The following G0S2 variants were observed in gnomAD, a reference collection of about 807,000 sequenced individuals.
G0S2 encodes G0/G1 switch 2, also known as G0/G1 switch protein 2.
For missense variants in G0S2, 139 were observed against 139.1 expected (o/e 1.00, Z 0.00); for synonymous variants, 64 against 66.0 (o/e 0.97, Z 0.15).
In G0S2 at chr1:209,676,293, A is replaced by G; in HGVS notation, c.*297A>G. ...TATCTAAATGCGTCTACCATTTTGCACTAGGGAGGAAGGATAAATGCTTTT... is the reference window on the plus strand; with the variant it reads ...TATCTAAATGCGTCTACCATTTTGCGCTAGGGAGGAAGGATAAATGCTTTT... On this transcript the variant is annotated 3_prime_UTR_variant, in exon 2 of 2. Coordinates refer to ENST00000367029, the MANE Select transcript of G0S2 (RefSeq NM_015714.4). The G allele has an allele frequency of 2.6e-6, 1 of 379,856 alleles. No homozygotes were observed. Among genetic ancestry groups the G allele is most frequent in the East Asian group, 4.1e-5 (1 of 24,194 alleles). 23.5% of individuals were successfully genotyped at this position (379,856 alleles called of 1,614,324 possible). A position where few individuals can be genotyped will look rare whatever the true frequency, so the allele number is the denominator to read the frequency against.
At position 209,675,934 on chromosome 1, in the gene G0S2, G is replaced by C; in HGVS notation, c.250G>C (p.Gly84Arg). 4.4e-6 allele frequency: 7 copies of C among 1,591,224 alleles called. No homozygotes were observed. Among genetic ancestry groups the C allele is most frequent in the Non-Finnish European group, 6.0e-6 (7 of 1,164,444 alleles). Residue 84 changes from glycine to arginine, a missense_variant, in exon 2 of 2, where the codon GGC becomes CGC. Physicochemically the swap from Gly to Arg is moderately radical, Grantham distance 125. Transcript: ENST00000367029. This position sits in a 1 kb window ranked among gnomAD's most constrained non-coding sequence, Gnocchi z 5.4. ...CCAGAAGCAAGCCCTGCAGGAGAAAGGCAAGCAGCAGGACACGGTCCTCGG... is the reference window on the plus strand; with the variant it reads ...CCAGAAGCAAGCCCTGCAGGAGAAACGCAAGCAGCAGGACACGGTCCTCGG... The part of the protein sequence containing the change: ...ALQKQALQEK[G>R]KQQDTVLGGR...
rs1282067285 is a variant in G0S2, at chr1:209,675,776, G to A, written c.92G>A (p.Ser31Asn). ...GKMVKLYVLG[S>N]VLALFGVVLG... ...ATGGTGAAGCTGTACGTGCTGGGCA[G>A]CGTGCTGGCCCTCTTCGGCGTGGTG... is the stretch of plus-strand genomic sequence containing the variant. Residue 31 changes from serine to asparagine, a missense_variant, in exon 2 of 2, where the codon AGC (serine) becomes AAC (asparagine). Coordinates refer to ENST00000367029, the MANE Select transcript of G0S2 (RefSeq NM_015714.4). The surrounding 1 kb of genome is among the most constrained non-coding windows in gnomAD (Gnocchi z 5.4). The A allele has an allele frequency of 6.2e-7, 1 of 1,603,768 alleles. No homozygotes were observed. Among genetic ancestry groups the A allele is most frequent in the East Asian group, 2.2e-5 (1 of 44,552 alleles).
At position 209,675,554 on chromosome 1, in the gene G0S2, T is replaced by G. The variant is rs914035849; in HGVS notation, c.-33+5T>G. 3 of 660,992 alleles carry G rather than the reference T, an allele frequency of 4.5e-6. No individual in the cohort carries two copies. The highest frequency in any genetic ancestry group is 7.9e-6 in the Non-Finnish European group (3 of 379,196). The allele number at this position is 660,992 out of a possible 1,614,324, so 40.9% of individuals were successfully genotyped here. On this transcript the variant is annotated splice_donor_5th_base_variant and intron_variant, in intron 1 of 1. Coordinates refer to ENST00000367029, the MANE Select transcript of G0S2 (RefSeq NM_015714.4). This position sits in a 1 kb window ranked among gnomAD's most constrained non-coding sequence, Gnocchi z 5.4. The stretch of plus-strand genomic sequence containing the variant: ...TGCTCGCGCCGTGCCACTAAGGTAG[T>G]CCGCCTTTCTATGAGCCCTCCCCAA...
chr1:209,675,999 A>T lies in G0S2; in HGVS notation c.*3A>T, dbSNP rs780785373. The T allele has an allele frequency of 9.8e-6, 15 of 1,524,590 alleles. No homozygotes were observed. The East Asian group carries it at 3.4e-4, about 35-fold the overall frequency. The allele number at this position is 1,524,590 out of a possible 1,614,324, so 94.4% of individuals were successfully genotyped here. The stretch of plus-strand genomic sequence containing the variant: ...CCAACCGGCAGCACGCCTCCTAGGA[A>T]CTGTGGGAGACCAGCGGAGTGGGAG... On this transcript the variant is annotated 3_prime_UTR_variant, in exon 2 of 2. Transcript: ENST00000367029. This position sits in a 1 kb window ranked among gnomAD's most constrained non-coding sequence, Gnocchi z 5.4.
In G0S2 at chr1:209,675,806, G is replaced by T. The variant is rs779568938; in HGVS notation, c.122G>T (p.Gly41Val). The part of the protein sequence containing the change: ...SVLALFGVVL[G>V]LMETVCSPFT... ...CTGGCCCTCTTCGGCGTGGTGCTCG[G>T]CCTGATGGAGACTGTGTGCAGCCCC... Residue 41 changes from glycine (G) to valine (V), a missense_variant, in exon 2 of 2, where the codon GGC becomes GTC. Coordinates refer to ENST00000367029, the MANE Select transcript of G0S2 (RefSeq NM_015714.4). This position sits in a 1 kb window ranked among gnomAD's most constrained non-coding sequence, Gnocchi z 5.4. The T allele has an allele frequency of 6.2e-7, 1 of 1,601,750 alleles. No homozygotes were observed. The highest frequency in any genetic ancestry group is 1.7e-5 in the Admixed American group (1 of 57,824).
chr1:209,676,190 T>A lies in G0S2; in HGVS notation c.*194T>A. 1 of 523,680 alleles carries A rather than the reference T, an allele frequency of 1.9e-6. No homozygotes were observed. The highest frequency in any genetic ancestry group is 3.5e-6 in the Non-Finnish European group (1 of 289,806). 32.4% of individuals were successfully genotyped at this position (523,680 alleles called of 1,614,324 possible). On this transcript the variant is annotated 3_prime_UTR_variant, in exon 2 of 2. Transcript: ENST00000367029. The stretch of plus-strand genomic sequence containing the variant: ...ATCTAGAACTGACCTACCACAAGCA[T>A]CCACCAAAGGAGTTTGGGATTGAGT...
Position 209,676,330 on chromosome 1 carries a change from TATTA to T in G0S2, c.*339_*342del. On this transcript the variant is annotated 3_prime_UTR_variant, in exon 2 of 2. Transcript: ENST00000367029. ...GGATAAATGCTTTTTATGTTATTAT[TATTA>T]ATTATTACAATGACCACCATTTTGC... is the stretch of plus-strand genomic sequence containing the variant. 3.6e-6 allele frequency: 1 copy of T among 280,758 alleles called. No individual in the cohort carries two copies. Among genetic ancestry groups the T allele is most frequent in the Non-Finnish European group, 7.0e-6 (1 of 142,790 alleles). The allele number at this position is 280,758 out of a possible 1,614,324, so 17.4% of individuals were successfully genotyped here. A position where few individuals can be genotyped will look rare whatever the true frequency, so the allele number is the denominator to read the frequency against.
rs148090379 is a variant in G0S2 at position 209,675,494 on chromosome 1, G to T, written c.-88G>T. The T allele has an allele frequency of 6.5e-4, 379 of 583,820 alleles. 1 individual carries two copies. The highest frequency in any genetic ancestry group is 6.5e-3 in the African/African-American group (338 of 52,310). 36.2% of individuals were successfully genotyped at this position (583,820 alleles called of 1,614,324 possible). The stretch of plus-strand genomic sequence containing the variant: ...TGAGGTCGGTCGGACCAACGGACGC[G>T]CTGACCGCTGCCAACTGCAGCTCGC... On this transcript the variant is annotated 5_prime_UTR_variant, in exon 1 of 2. Transcript: ENST00000367029. This position sits in a 1 kb window ranked among gnomAD's most constrained non-coding sequence, Gnocchi z 5.4.
rs890531673 is a variant in G0S2, at chr1:209,676,009, A to G, written c.*13A>G. On this transcript the variant is annotated 3_prime_UTR_variant, in exon 2 of 2. Transcript: ENST00000367029. The stretch of plus-strand genomic sequence containing the variant: ...GCACGCCTCCTAGGAACTGTGGGAG[A>G]CCAGCGGAGTGGGAGGGAGACGCAG... The G allele has an allele frequency of 5.9e-6, 9 of 1,514,824 alleles. No individual in the cohort carries two copies. The highest frequency in any genetic ancestry group is 1.4e-5 in the African/African-American group (1 of 71,856). The allele number at this position is 1,514,824 out of a possible 1,614,324, so 93.8% of individuals were successfully genotyped here.
In G0S2 at chr1:209,676,238, T is replaced by A. The variant is rs919734819; in HGVS notation, c.*242T>A. 3 of 457,520 alleles carry A rather than the reference T, an allele frequency of 6.6e-6. No individual in the cohort carries two copies. The highest frequency in any genetic ancestry group is 2.0e-5 in the African/African-American group (1 of 49,716). The allele number at this position is 457,520 out of a possible 1,614,324, so 28.3% of individuals were successfully genotyped here. ...AGTTTTGCTGCTGTGCAGCACTGCA[T>A]TGTCATGACATTTCCAACACTGTGT... On this transcript the variant is annotated 3_prime_UTR_variant, in exon 2 of 2. Coordinates refer to ENST00000367029, the MANE Select transcript of G0S2 (RefSeq NM_015714.4).
At position 209,675,704 on chromosome 1, in the gene G0S2, TGATCCCCCTGGC is replaced by T; in HGVS notation, c.21_32del (p.Ile8_Ala11del). ...GCCGAGATGGAAACGGTCCAGGAGC[TGATCCCCCTGGC>T]CAAGGAGATGATGGCCCAGAAGCGC... is the stretch of plus-strand genomic sequence containing the variant. On this transcript the variant is annotated inframe_deletion, in exon 2 of 2. Transcript: ENST00000367029. This position sits in a 1 kb window ranked among gnomAD's most constrained non-coding sequence, Gnocchi z 5.4. 6.3e-7 allele frequency: 1 copy of T among 1,596,148 alleles called. No homozygotes were observed. The highest frequency in any genetic ancestry group is 8.5e-7 in the Non-Finnish European group (1 of 1,170,348).
At position 209,675,928 on chromosome 1, in the gene G0S2, G is replaced by A. The variant is rs1228933496; in HGVS notation, c.244G>A (p.Glu82Lys). 1 of 1,594,994 alleles carries A rather than the reference G, an allele frequency of 6.3e-7. No homozygotes were observed. The highest frequency in any genetic ancestry group is 1.3e-5 in the African/African-American group (1 of 74,496). ...RQALQKQALQ[E>K]KGKQQDTVLG... Reference sequence around the variant, plus strand: ...GGCTCTCCAGAAGCAAGCCCTGCAGGAGAAAGGCAAGCAGCAGGACACGGT... The same window carrying A: ...GGCTCTCCAGAAGCAAGCCCTGCAGAAGAAAGGCAAGCAGCAGGACACGGT... Residue 82 changes from glutamate to lysine, a missense_variant, in exon 2 of 2, where the codon GAG becomes AAG. Transcript: ENST00000367029. This position sits in a 1 kb window ranked among gnomAD's most constrained non-coding sequence, Gnocchi z 5.4.
Position 209,675,446 on chromosome 1 carries a change from A to G in G0S2, c.-136A>G. The G allele has an allele frequency of 5.4e-6, 3 of 558,240 alleles. No individual in the cohort carries two copies. In the South Asian group the frequency reaches 6.3e-5, roughly 12 times the overall value. The allele number at this position is 558,240 out of a possible 1,614,324, so 34.6% of individuals were successfully genotyped here. ...CGGAGTCTCCAACTGGGAGAGCTGC[A>G]GCTGCCGAGAGGAGGAGAACGCTGA... On this transcript the variant is annotated 5_prime_UTR_variant, in exon 1 of 2. Transcript: ENST00000367029. This position sits in a 1 kb window ranked among gnomAD's most constrained non-coding sequence, Gnocchi z 5.4.
In G0S2 at chr1:209,675,567, G is replaced by A. The variant is rs2102340456; in HGVS notation, c.-33+18G>A. Reference sequence around the variant, plus strand: ...CCACTAAGGTAGTCCGCCTTTCTATGAGCCCTCCCCAAGATTAGCTGGGTG... The same window carrying A: ...CCACTAAGGTAGTCCGCCTTTCTATAAGCCCTCCCCAAGATTAGCTGGGTG... On this transcript the variant is annotated intron_variant, in intron 1 of 1. Transcript: ENST00000367029. This position sits in a 1 kb window ranked among gnomAD's most constrained non-coding sequence, Gnocchi z 5.4. 1 of 698,798 alleles carries A rather than the reference G, an allele frequency of 1.4e-6. No individual in the cohort carries two copies. The highest frequency in any genetic ancestry group is 2.8e-5 in the East Asian group (1 of 36,080). The allele number at this position is 698,798 out of a possible 1,614,324, so 43.3% of individuals were successfully genotyped here. A position where few individuals can be genotyped will look rare whatever the true frequency, so the allele number is the denominator to read the frequency against.
Position 209,675,830 on chromosome 1 carries a change from C to A in G0S2, c.146C>A (p.Pro49His). 1 of 1,600,130 alleles carries A rather than the reference C, an allele frequency of 6.2e-7. No individual in the cohort carries two copies. Among genetic ancestry groups the A allele is most frequent in the African/African-American group, 1.3e-5 (1 of 74,928 alleles). Residue 49 changes from proline (P) to histidine (H), a missense_variant, in exon 2 of 2, where the codon CCC becomes CAC. Transcript: ENST00000367029. This position sits in a 1 kb window ranked among gnomAD's most constrained non-coding sequence, Gnocchi z 5.4. ...VLGLMETVCS[P>H]FTAARRLRDQ... Reference sequence around the variant, plus strand: ...GGCCTGATGGAGACTGTGTGCAGCCCCTTCACGGCCGCCAGACGTCTGCGG... The same window carrying A: ...GGCCTGATGGAGACTGTGTGCAGCCACTTCACGGCCGCCAGACGTCTGCGG...
rs1444466391 is a variant in G0S2 at position 209,675,980 on chromosome 1, G to T, written c.296G>T (p.Arg99Leu). The change falls in exon 2 of 2, where the codon CGG (arginine) becomes CTG (leucine). Residue 99 changes from arginine (R) to leucine (L), a missense_variant. Transcript: ENST00000367029. The surrounding 1 kb of genome is among the most constrained non-coding windows in gnomAD (Gnocchi z 5.4). ...TVLGGRALSN[R>L]QHAS ...CTCGGCGGCCGGGCCCTGTCCAACCGGCAGCACGCCTCCTAGGAACTGTGG... is the reference window on the plus strand; with the variant it reads ...CTCGGCGGCCGGGCCCTGTCCAACCTGCAGCACGCCTCCTAGGAACTGTGG... The T allele has an allele frequency of 6.5e-7, 1 of 1,542,014 alleles. No homozygotes were observed. Among genetic ancestry groups the T allele is most frequent in the Non-Finnish European group, 8.8e-7 (1 of 1,140,766 alleles).
At position 209,676,088 on chromosome 1, in the gene G0S2, G is replaced by C. The variant is rs1246232014; in HGVS notation, c.*92G>C. The stretch of plus-strand genomic sequence containing the variant: ...GAGAGACAGAGGGGGCGCGCGCACA[G>C]GAGCCTGACTCCGCTGGGAGAGTGC... On this transcript the variant is annotated 3_prime_UTR_variant, in exon 2 of 2. Transcript: ENST00000367029. The C allele has an allele frequency of 1.0e-6, 1 of 975,950 alleles. No homozygotes were observed. Among genetic ancestry groups the C allele is most frequent in the Admixed American group, 2.9e-5 (1 of 34,082 alleles). 60.5% of individuals were successfully genotyped at this position (975,950 alleles called of 1,614,324 possible). A position where few individuals can be genotyped will look rare whatever the true frequency, so the allele number is the denominator to read the frequency against.
At position 209,675,676 on chromosome 1, in the gene G0S2, A is replaced by G; in HGVS notation, c.-9A>G. The stretch of plus-strand genomic sequence containing the variant: ...AGGTCATTCCCGCCTCCGAGAGCCC[A>G]GAGCCGAGATGGAAACGGTCCAGGA... On this transcript the variant is annotated 5_prime_UTR_variant, in exon 2 of 2. Coordinates refer to ENST00000367029, the MANE Select transcript of G0S2 (RefSeq NM_015714.4). The surrounding 1 kb of genome is among the most constrained non-coding windows in gnomAD (Gnocchi z 5.4). 2.5e-6 allele frequency: 4 copies of G among 1,574,050 alleles called. No homozygotes were observed. The highest frequency in any genetic ancestry group is 3.5e-6 in the Non-Finnish European group (4 of 1,157,170).
chr1:209,675,915 G>A lies in G0S2; in HGVS notation c.231G>A (p.Lys77=), dbSNP rs780691591. The change falls in exon 2 of 2, where the codon AAG becomes AAA. Residue 77 remains lysine, a synonymous_variant. Coordinates refer to ENST00000367029, the MANE Select transcript of G0S2 (RefSeq NM_015714.4). The surrounding 1 kb of genome is among the most constrained non-coding windows in gnomAD (Gnocchi z 5.4). The stretch of plus-strand genomic sequence containing the variant: ...CCCTGGAGCGACAGGCTCTCCAGAA[G>A]CAAGCCCTGCAGGAGAAAGGCAAGC... ...QAALERQALQ[K]QALQEKGKQQ... 1 of 1,603,408 alleles carries A rather than the reference G, an allele frequency of 6.2e-7. No individual in the cohort carries two copies. Among genetic ancestry groups the A allele is most frequent in the Middle Eastern group, 1.7e-4 (1 of 5,980 alleles).
Sources: allele counts gnomAD v4.1 joint callset, GRCh38; gene constraint gnomAD v4.1.1; non-coding constraint Gnocchi (gnomAD v3.1); transcripts MANE v1.5; gene names NCBI Gene and HGNC (gene_info 2026-07-23, HGNC 2026-07-21).